The following AMD1 variants were observed in gnomAD, a reference collection of about 807,000 sequenced individuals.
AMD1 encodes adenosylmethionine decarboxylase 1.
In AMD1, 11 loss-of-function variants were observed where a neutral mutation model predicts 40.2. The ratio of observed to expected loss-of-function variants is 0.27; its 90% CI spans 0.17 to 0.45. The LOEUF is 0.45. AMD1 is among the 20% of genes least tolerant of loss of function. AMD1 has a pLI of 1.00. For synonymous variants in AMD1, 121 were observed against 130.8 expected (o/e 0.93, Z 0.51); for missense variants, 257 against 410.2 (o/e 0.63, Z 3.23).
At chr6:110,875,752 TG>T (rs1562333416) in intron 1 of AMD1, 1 of 151,924 alleles carries the variant, frequency 6.6e-6, no homozygotes, top group Non-Finnish European at 1.5e-5. Context: ...TCTGAGGGGC[TG>T]GCGAAGAGGC....
chr6:110,854,381 G>C, the AMD1 span, among the ~76,000 whole-genome samples: 1 of 151,966 alleles, frequency 6.6e-6, no homozygotes, highest in African/African-American at 2.4e-5. Context: ...TTTTATGTAG[G>C]GCAGCAAGGT....
At chr6:110,851,257 C>T in the AMD1 span, among the ~76,000 whole-genome samples, 7 of 152,082 alleles carry the variant, frequency 4.6e-5, no homozygotes, top group Admixed American at 2.0e-4. Context: ...TGAGCCACCA[C>T]GCCCGGCCTT....
the AMD1 span, among the ~76,000 whole-genome samples, chr6:110,853,489 A>G: frequency 6.6e-6 from 1 of 151,886 alleles, no homozygotes; most frequent in Non-Finnish European, 1.5e-5. Context: ...TGTATTTTTT[A>G]GTAGAGACAG....
At chr6:110,881,707 C>T (rs1481704198) in intron 1 of AMD1, among the ~76,000 whole-genome samples, 1 of 152,006 alleles carries the variant, frequency 6.6e-6, no homozygotes, top group Non-Finnish European at 1.5e-5. Flanking sequence ...TGTAATCAGT[C>T]CCAACTACTC....
At chr6:110,818,763 C>T in the AMD1 span, among the ~76,000 whole-genome samples, 1 of 152,172 alleles carries the variant, frequency 6.6e-6, no homozygotes, top group African/African-American at 2.4e-5. Context: ...GTCTTGAACT[C>T]CTGGCATCAA....
At chr6:110,823,610 T>C in the AMD1 span, among the ~76,000 whole-genome samples, 3 of 152,138 alleles carry the variant, frequency 2.0e-5, no homozygotes, top group African/African-American at 7.2e-5. Flanking sequence ...AGAAAAAGAA[T>C]TTTCTTCTGT....
At chr6:110,819,179 G>A in the AMD1 span, among the ~76,000 whole-genome samples, 1 of 152,244 alleles carries the variant, frequency 6.6e-6, no homozygotes, top group South Asian at 2.1e-4. Context: ...TCAACACGGA[G>A]AAACCCCGTC....
the AMD1 span, among the ~76,000 whole-genome samples, chr6:110,835,590 G>C: frequency 2.6e-5 from 4 of 152,038 alleles, no homozygotes; most frequent in African/African-American, 9.7e-5. Context: ...ATCAGGCCGG[G>C]CGCAGTGGTT....
At chr6:110,853,119 C>T in the AMD1 span, among the ~76,000 whole-genome samples, 1 of 146,500 alleles carries the variant, frequency 6.8e-6, no homozygotes, top group Admixed American at 7.0e-5. Flanking sequence ...TTTTTCTTTT[C>T]TTTCTTTTTT....
the AMD1 span, chr6:110,858,407 G>C: frequency 1.1e-6 from 1 of 872,502 alleles, no homozygotes; most frequent in Non-Finnish European, 2.0e-6. Flanking sequence ...CCTGAAGGAC[G>C]GGATTAGTTT....
the AMD1 span, among the ~76,000 whole-genome samples, chr6:110,820,340 G>A: frequency 6.6e-6 from 1 of 151,388 alleles, no homozygotes; most frequent in East Asian, 2.0e-4. Flanking sequence ...AGGTTCAAGC[G>A]ATTCTCCTGC....
the AMD1 span, among the ~76,000 whole-genome samples, chr6:110,850,944 G>T: frequency 8.5e-5 from 13 of 152,146 alleles, no homozygotes; most frequent in Admixed American, 1.3e-4. Flanking sequence ...CTAATAAAAG[G>T]TTATATAATA....
the AMD1 span, chr6:110,856,585 C>A: frequency 9.2e-5 from 14 of 152,150 alleles, no homozygotes; most frequent in African/African-American, 3.1e-4. Flanking sequence ...GCTAGGGAGA[C>A]AAGGTCTAAT....
At chr6:110,840,013 C>CTT in the AMD1 span, among the ~76,000 whole-genome samples, 804 of 92,616 alleles carry the variant, frequency 8.7e-3, 5 homozygotes, top group Middle Eastern at 0.011. Context: ...GATTCTCTCT[C>CTT]TTTTTTTTTT....
At chr6:110,815,427 T>G in the AMD1 span, 1 of 268,476 alleles carries the variant, frequency 3.7e-6, no homozygotes. Context: ...TGGAACCTGG[T>G]GGGCCGCGCC....
the AMD1 span, chr6:110,856,448 G>A: frequency 6.6e-6 from 1 of 152,182 alleles, no homozygotes; most frequent in Non-Finnish European, 1.5e-5. Context: ...TACTAAAATT[G>A]GACCAATACA....
chr6:110,845,538 T>G, the AMD1 span, among the ~76,000 whole-genome samples: 1 of 152,294 alleles, frequency 6.6e-6, no homozygotes, highest in Non-Finnish European at 1.5e-5. Flanking sequence ...CAGGGCTGGC[T>G]TCATGGGCAT....
the AMD1 span, among the ~76,000 whole-genome samples, chr6:110,844,843 A>T: frequency 6.6e-6 from 1 of 152,100 alleles, no homozygotes; most frequent in East Asian, 1.9e-4. Context: ...GGTAATTTAT[A>T]AAGAAAAGAT....
the AMD1 span, among the ~76,000 whole-genome samples, chr6:110,833,266 T>C: frequency 6.6e-6 from 1 of 152,232 alleles, no homozygotes; most frequent in Non-Finnish European, 1.5e-5. Flanking sequence ...AATGCTTCAG[T>C]TGTCCAGAGT....
Sources: allele counts gnomAD v4.1 joint callset (sites outside exome capture counted in the v4.1 genomes callset), GRCh38; gene constraint gnomAD v4.1.1; transcripts MANE v1.5; gene names NCBI Gene and HGNC (gene_info 2026-07-23, HGNC 2026-07-21).